Variants in TBC1D1 observed in about 807,000 individuals in gnomAD.
TBC1D1 encodes TBC1 (tre-2/USP6, BUB2, cdc16) domain family, member 1.
Under a neutral mutation model 125.6 loss-of-function variants are expected in TBC1D1, and 89 were observed. The ratio of observed to expected loss-of-function variants is 0.71; its 90% confidence interval spans 0.60 to 0.85. The LOEUF (loss-of-function observed/expected upper bound fraction) is 0.85. TBC1D1 is among the 40% of genes least tolerant of loss of function. TBC1D1 has a pLI of 0.00. For synonymous variants in TBC1D1, 565 were observed against 564.1 expected (o/e 1.00, Z -0.02); for missense variants, 1,377 against 1,469.2 (o/e 0.94, Z 1.03).
At chr4:38,017,168 ATT>A (rs1742924817) in intron 3 of TBC1D1, among the ~76,000 whole-genome samples, 1 of 152,104 alleles carries the variant, frequency 6.6e-6, no homozygotes, top group African/African-American at 2.4e-5. Flanking sequence ...ACCTTATGAG[ATT>A]TTCAAAGGTT....
At chr4:38,110,613 T>G in intron 15 of TBC1D1, 1 of 985,460 alleles carries the variant, frequency 1.0e-6, no homozygotes, top group African/African-American at 1.7e-5. Context: ...TGTCTTTTTA[T>G]AAAGGGGTTT....
intron 6 of TBC1D1, among the ~76,000 whole-genome samples, chr4:38,023,206 C>T (rs535380522): frequency 1.3e-5 from 2 of 148,890 alleles, no homozygotes; most frequent in African/African-American, 5.0e-5. Context: ...GAGATTGTGC[C>T]GCTGTGCTCC....
intron 8 of TBC1D1, among the ~76,000 whole-genome samples, chr4:38,039,471 C>G (rs573864036): frequency 5.3e-5 from 8 of 152,026 alleles, no homozygotes; most frequent in Non-Finnish European, 1.2e-4. Context: ...GTTTCTGAGA[C>G]TCATCAGAAA....
chr4:38,029,767 G>GT (rs1386552121), intron 7 of TBC1D1, among the ~76,000 whole-genome samples: 4 of 152,160 alleles, frequency 2.6e-5, no homozygotes, highest in Admixed American at 2.0e-4. Flanking sequence ...ATAGAAAGAT[G>GT]TTTTTTCATG....
At chr4:37,945,832 A>T (rs543913567) in intron 2 of TBC1D1, among the ~76,000 whole-genome samples, 1 of 152,216 alleles carries the variant, frequency 6.6e-6, no homozygotes, top group Non-Finnish European at 1.5e-5. Flanking sequence ...GATAGAATCT[A>T]ATGAACAAAT....
At chr4:38,041,574 G>C (rs755723556) in intron 8 of TBC1D1, among the ~76,000 whole-genome samples, 1 of 152,140 alleles carries the variant, frequency 6.6e-6, no homozygotes, top group Admixed American at 6.5e-5. Context: ...TTAACAATAG[G>C]AACATAGATA....
intron 2 of TBC1D1, among the ~76,000 whole-genome samples, chr4:37,957,360 C>T (rs980465995): frequency 2.0e-5 from 3 of 152,198 alleles, no homozygotes; most frequent in African/African-American, 7.2e-5. Flanking sequence ...TGGCTCATGC[C>T]TGTAATCCTA....
intron 2 of TBC1D1, among the ~76,000 whole-genome samples, chr4:37,933,605 G>T (rs1723771732): frequency 6.6e-6 from 1 of 152,128 alleles, no homozygotes; most frequent in African/African-American, 2.4e-5. Context: ...AAAAAAATAG[G>T]TAATATATGT....
chr4:37,949,937 T>C (rs1727490412), intron 2 of TBC1D1, among the ~76,000 whole-genome samples: 1 of 152,128 alleles, frequency 6.6e-6, no homozygotes, highest in Non-Finnish European at 1.5e-5. Flanking sequence ...CCTAACGGAG[T>C]TGAACCCCAG....
Position 37,905,432 on chromosome 4 carries a change from A to G in TBC1D1, c.417+2920A>G, listed in dbSNP as rs575862339. Reference sequence around the variant, plus strand: ...AATTGGCGCTCTTTAAAGATTTTTTAAAATTGAGAAGCAAAAGGACGTCAG... The same window carrying G: ...AATTGGCGCTCTTTAAAGATTTTTTGAAATTGAGAAGCAAAAGGACGTCAG... On this transcript the variant is annotated intron_variant, in intron 2 of 19. Coordinates refer to ENST00000261439, the MANE Select transcript of TBC1D1 (RefSeq NM_015173.4). 2.0e-3 allele frequency among the ~76,000 whole-genome samples: 299 copies of G among 152,304 alleles called. 3 individuals carry two copies. Among genetic ancestry groups the G allele is most frequent in the African/African-American group, 6.9e-3 (285 of 41,574 alleles).
intron 1 of TBC1D1, among the ~76,000 whole-genome samples, chr4:37,894,134 G>A (rs977870032): frequency 9.9e-5 from 15 of 151,808 alleles, no homozygotes; most frequent in Admixed American, 2.0e-4. Context: ...GACTACAGGC[G>A]TGCTCTACCA....
At chr4:37,898,755 T>G (rs113425731) in intron 1 of TBC1D1, among the ~76,000 whole-genome samples, 10 of 152,282 alleles carry the variant, frequency 6.6e-5, no homozygotes, top group African/African-American at 1.9e-4. Flanking sequence ...GCAGGATAAC[T>G]GTGGCGGGCT....
chr4:38,018,671 TCTA>T (rs1373495112), intron 4 of TBC1D1, among the ~76,000 whole-genome samples: 5 of 152,184 alleles, frequency 3.3e-5, no homozygotes, highest in African/African-American at 7.2e-5. Flanking sequence ...ACAAAATAGA[TCTA>T]CTTTTAATTT....
intron 2 of TBC1D1, among the ~76,000 whole-genome samples, chr4:37,997,792 A>T (rs534250684): frequency 5.3e-4 from 79 of 149,846 alleles, no homozygotes; most frequent in East Asian, 4.5e-3. Context: ...TTTTTTTTTT[A>T]AAAGAGAATT....
intron 12 of TBC1D1, among the ~76,000 whole-genome samples, chr4:38,087,980 G>A (rs1757822900): frequency 6.7e-6 from 1 of 150,036 alleles, no homozygotes; most frequent in Admixed American, 6.7e-5. Flanking sequence ...AGAGTGTATG[G>A]AAACACTGCC....
chr4:37,993,546 A>G (rs540823563), intron 2 of TBC1D1, among the ~76,000 whole-genome samples: 76 of 152,248 alleles, frequency 5.0e-4, no homozygotes, highest in Middle Eastern at 3.4e-3. Context: ...AACATACAGT[A>G]GCACTCCCTT....
At position 38,022,816 on chromosome 4, in the gene TBC1D1, GT is replaced by G. The variant is rs1266005614; in HGVS notation, c.1210+1103del. Among the ~76,000 whole-genome samples the G allele has an allele frequency of 3.3e-5, 5 of 152,250 alleles. No individual in the cohort carries two copies. In the East Asian group the frequency reaches 9.6e-4, roughly 29 times the overall value. The stretch of plus-strand genomic sequence containing the variant: ...TTCACCACTCTGTTCTTGATTTTGT[GT>G]TTTTGTTCTGTTTATGGGAGGATTT... On this transcript the variant is annotated intron_variant, in intron 6 of 19. Coordinates refer to ENST00000261439, the MANE Select transcript of TBC1D1 (RefSeq NM_015173.4).
intron 2 of TBC1D1, among the ~76,000 whole-genome samples, chr4:37,994,574 G>C (rs1448129513): frequency 6.6e-6 from 1 of 152,182 alleles, no homozygotes; most frequent in East Asian, 1.9e-4. Flanking sequence ...GAAGAGTGGA[G>C]CTAATGCCTC....
intron 2 of TBC1D1, among the ~76,000 whole-genome samples, chr4:37,939,916 G>T (rs1221139293): frequency 3.3e-5 from 5 of 152,160 alleles, no homozygotes; most frequent in African/African-American, 9.7e-5. Context: ...TGCTGTTTTG[G>T]TTACTGTAGC....
Sources: gnomAD v4.1 joint callset for allele counts (sites outside exome capture counted in the v4.1 genomes callset) on GRCh38, gnomAD v4.1.1 for gene constraint, MANE v1.5 for transcripts, NCBI Gene and HGNC (gene_info 2026-07-23, HGNC 2026-07-21) for gene names.